The following PXDC1 variants were observed in gnomAD, a reference collection of about 807,000 sequenced individuals.
PXDC1 encodes PX domain-containing protein 1.
PXDC1 carries 13 observed loss-of-function variants against 24.4 expected under a neutral mutation model. The observed-to-expected ratio is 0.53, with a 90% CI of 0.35 to 0.85. PXDC1 has a LOEUF of 0.85. Ranked by LOEUF, PXDC1 falls within the 40% of genes least tolerant of loss-of-function variation. The pLI, the probability that PXDC1 is intolerant of heterozygous loss-of-function variation, is 0.01. For missense variants in PXDC1, 344 were observed against 309.3 expected (o/e 1.11, Z -0.84); for synonymous variants, 162 against 124.9 (o/e 1.30, Z -1.98).
chr6:3,741,491 C>T (rs1187518024), intron 1 of PXDC1, among the ~76,000 whole-genome samples: 6 of 152,232 alleles, frequency 3.9e-5, no homozygotes, highest in Non-Finnish European at 8.8e-5. Flanking sequence ...CCGGTGGCAA[C>T]CAAGCTGGCA....
At chr6:3,729,565 C>T (rs1437251268) in intron 3 of PXDC1, among the ~76,000 whole-genome samples, 1 of 152,222 alleles carries the variant, frequency 6.6e-6, no homozygotes, top group Non-Finnish European at 1.5e-5. Flanking sequence ...GTCAGCCACA[C>T]TTCCAGGTGT....
chr6:3,728,875 G>A lies in PXDC1; in HGVS notation c.467-1213C>T, dbSNP rs530344034. Among the ~76,000 whole-genome samples the A allele has an allele frequency of 5.3e-5, 8 of 152,272 alleles. No individual in the cohort carries two copies. Among genetic ancestry groups the A allele is most frequent in the Admixed American group, 2.0e-4 (3 of 15,298 alleles). On this transcript the variant is annotated intron_variant, in intron 3 of 4. Transcript: ENST00000380283. This position sits in a 1 kb window ranked among gnomAD's most constrained non-coding sequence, Gnocchi z 4.0. ...TGGAGCTAAAGTCCTCCAGCTGCCC[G>A]TGAGCCTGCTCATCTCCTAACCACA...
chr6:3,735,019 C>T (rs1419838797), intron 3 of PXDC1, among the ~76,000 whole-genome samples: 2 of 152,050 alleles, frequency 1.3e-5, no homozygotes, highest in South Asian at 2.1e-4. Context: ...GTAACTGCAC[C>T]ACCGCACTCC....
intron 1 of PXDC1, among the ~76,000 whole-genome samples, chr6:3,739,660 G>C (rs1189185693): frequency 6.6e-6 from 1 of 152,170 alleles, no homozygotes; most frequent in Non-Finnish European, 1.5e-5. Flanking sequence ...CTCCAGCCTC[G>C]GCCCACCTCC....
intron 1 of PXDC1, among the ~76,000 whole-genome samples, chr6:3,739,768 T>C (rs1760413717): frequency 6.6e-6 from 1 of 152,236 alleles, no homozygotes. Flanking sequence ...CTGAATTCCT[T>C]GCATAGAATT....
Position 3,723,477 on chromosome 6 carries a change from C to T in PXDC1, c.*142G>A, listed in dbSNP as rs186480097. The T allele has an allele frequency of 3.4e-4, 236 of 703,910 alleles. 1 individual carries two copies. Among genetic ancestry groups the T allele is most frequent in the African/African-American group, 3.2e-3 (181 of 56,558 alleles). The allele number at this position is 703,910 out of a possible 1,614,324, so 43.6% of individuals were successfully genotyped here. On this transcript the variant is annotated 3_prime_UTR_variant, in exon 5 of 5. Transcript: ENST00000380283. ...CCTGCTGCTCCACTTGCAGGACACC[C>T]AGGCCTCCTGGCGTCAGTGGGGCCT...
chr6:3,730,752 G>A (rs1052730879), intron 3 of PXDC1, among the ~76,000 whole-genome samples: 9 of 152,186 alleles, frequency 5.9e-5, no homozygotes, highest in Non-Finnish European at 7.3e-5. Context: ...ACGGGACCAG[G>A]GAGCCTGACT....
intron 1 of PXDC1, among the ~76,000 whole-genome samples, chr6:3,749,868 G>C (rs551760127): frequency 1.3e-5 from 2 of 152,162 alleles, no homozygotes; most frequent in East Asian, 3.9e-4. Flanking sequence ...TTTAAGCCTC[G>C]TTCCAGGAAA....
Position 3,723,566 on chromosome 6 carries a change from A to C in PXDC1, c.*53T>G. ...GACCATGGGGGCCAGCACAGTGGAC[A>C]GCATCAGAGCTGGCAGTGAACAGCT... On this transcript the variant is annotated 3_prime_UTR_variant, in exon 5 of 5. Coordinates refer to ENST00000380283, the MANE Select transcript of PXDC1 (RefSeq NM_183373.4). The C allele has an allele frequency of 7.5e-7, 1 of 1,328,458 alleles. No homozygotes were observed. The allele number at this position is 1,328,458 out of a possible 1,614,324, so 82.3% of individuals were successfully genotyped here. A position where few individuals can be genotyped will look rare whatever the true frequency, so the allele number is the denominator to read the frequency against.
intron 1 of PXDC1, among the ~76,000 whole-genome samples, chr6:3,741,418 A>G (rs955246355): frequency 6.6e-6 from 1 of 152,196 alleles, no homozygotes; most frequent in Non-Finnish European, 1.5e-5. Flanking sequence ...GACGGTGCTT[A>G]TTTTTTAAGC....
Position 3,723,416 on chromosome 6 carries a change from T to C in PXDC1, c.*203A>G, listed in dbSNP as rs1759984024. On this transcript the variant is annotated 3_prime_UTR_variant, in exon 5 of 5. Transcript: ENST00000380283. The stretch of plus-strand genomic sequence containing the variant: ...GCCTCCGGCTGTGACCTCAGCTTGC[T>C]GGAGACTCTGCGGTCAGCCTGGCCC... The C allele has an allele frequency of 1.0e-5, 6 of 601,364 alleles. No individual in the cohort carries two copies. Among genetic ancestry groups the C allele is most frequent in the Non-Finnish European group, 1.8e-5 (6 of 336,320 alleles). 37.3% of individuals were successfully genotyped at this position (601,364 alleles called of 1,614,324 possible). A position where few individuals can be genotyped will look rare whatever the true frequency, so the allele number is the denominator to read the frequency against.
At chr6:3,729,096 C>T (rs1346809200) in intron 3 of PXDC1, among the ~76,000 whole-genome samples, 2 of 152,148 alleles carry the variant, frequency 1.3e-5, no homozygotes, top group Admixed American at 6.5e-5. Flanking sequence ...ACAGGAACAT[C>T]GCTCACTGCC....
chr6:3,749,812 G>C (rs889625757), intron 1 of PXDC1, among the ~76,000 whole-genome samples: 1 of 152,166 alleles, frequency 6.6e-6, no homozygotes, highest in African/African-American at 2.4e-5. Context: ...CTGGGGTCAC[G>C]GAGCTCAGAC....
chr6:3,727,065 G>C (rs976160174), intron 4 of PXDC1, among the ~76,000 whole-genome samples: 1 of 152,198 alleles, frequency 6.6e-6, no homozygotes, highest in Non-Finnish European at 1.5e-5. Context: ...CCCCAGTGCC[G>C]GGCTCTCTAG....
At position 3,748,758 on chromosome 6, in the gene PXDC1, G is replaced by T. The variant is rs193237485; in HGVS notation, c.256+2518C>A. Among the ~76,000 whole-genome samples the T allele has an allele frequency of 1.6e-3, 243 of 152,284 alleles. 3 individuals are homozygous for T. Among genetic ancestry groups the T allele is most frequent in the Middle Eastern group, 3.4e-3 (1 of 294 alleles). Reference sequence around the variant, plus strand: ...CTGCCAGCAGAAGCTCAGAAATCCAGATTTCCTCACAAATCTCTTAAATGG... The same window carrying T: ...CTGCCAGCAGAAGCTCAGAAATCCATATTTCCTCACAAATCTCTTAAATGG... On this transcript the variant is annotated intron_variant, in intron 1 of 4. Transcript: ENST00000380283.
chr6:3,749,547 C>G (rs892924731), intron 1 of PXDC1, among the ~76,000 whole-genome samples: 1 of 150,780 alleles, frequency 6.6e-6, no homozygotes, highest in Non-Finnish European at 1.5e-5. Flanking sequence ...GTGCAGGGCA[C>G]GCCCCTCCCT....
intron 4 of PXDC1, among the ~76,000 whole-genome samples, chr6:3,726,274 C>G (rs1384740268): frequency 6.6e-6 from 1 of 152,224 alleles, no homozygotes; most frequent in Non-Finnish European, 1.5e-5. Flanking sequence ...TCCATGACTA[C>G]ACTCCAGCCT....
chr6:3,744,371 G>A (rs1760517546), intron 1 of PXDC1, among the ~76,000 whole-genome samples: 1 of 152,216 alleles, frequency 6.6e-6, no homozygotes, highest in Non-Finnish European at 1.5e-5. Flanking sequence ...AGCCAGGAGG[G>A]CCAACAGGAG....
At chr6:3,727,799 C>G in intron 3 of PXDC1, 137 bp from the exon 4 acceptor site, 1 of 627,300 alleles carries the variant, frequency 1.6e-6, no homozygotes, top group Non-Finnish European at 2.9e-6. Context: ...AAGAGAATGC[C>G]GTGCACCCGA....
Sources: gnomAD v4.1 joint callset for allele counts (sites outside exome capture counted in the v4.1 genomes callset) on GRCh38, gnomAD v4.1.1 for gene constraint, Gnocchi (gnomAD v3.1) non-coding constraint, MANE v1.5 for transcripts, NCBI Gene and HGNC (gene_info 2026-07-23, HGNC 2026-07-21) for gene names.